Variants in SORBS3 observed in about 807,000 individuals in gnomAD.
The protein encoded by SORBS3 is vinexin.
SORBS3 carries 69 observed loss-of-function variants against 98.0 expected under a neutral mutation model. That is an observed-to-expected ratio of 0.70 (90% confidence interval 0.58 to 0.86). The LOEUF (loss-of-function observed/expected upper bound fraction) is 0.86. Ranked by LOEUF, SORBS3 falls within the 40% of genes least tolerant of loss-of-function variation. The pLI is 0.00. For missense variants in SORBS3, 954 were observed against 908.5 expected, an observed-to-expected ratio of 1.05 and a Z score of -0.64; for synonymous variants, 394 against 355.4, an observed-to-expected ratio of 1.11 and a Z score of -1.22.
intron 1 of SORBS3, among the ~76,000 whole-genome samples, chr8:22,552,316 C>T (rs1302937806): frequency 6.6e-6 from 1 of 151,912 alleles, no homozygotes; most frequent in Non-Finnish European, 1.5e-5. Flanking sequence ...CCTCCCCTCT[C>T]CCGCTCCAGG....
chr8:22,547,879 T>G (rs1466637469), upstream of SORBS3, among the ~76,000 whole-genome samples: 2 of 152,182 alleles, frequency 1.3e-5, no homozygotes, highest in South Asian at 2.1e-4. Flanking sequence ...AAAACTTCCT[T>G]GAGGACAGGC....
upstream of SORBS3, among the ~76,000 whole-genome samples, chr8:22,550,596 C>G (rs1439298678): frequency 6.6e-6 from 1 of 152,162 alleles, no homozygotes; most frequent in Admixed American, 6.5e-5. Context: ...TTTACCAGAA[C>G]GAGGGAGAAG....
In SORBS3 at chr8:22,554,782, G is replaced by A; in HGVS notation, c.103-81G>A. ...AGGCGGGCCTGGGACTGTCACCGAG[G>A]GGTGTGGGCTGTGCCTAGTAGCCAT... On this transcript the variant is annotated intron_variant, in intron 2 of 20. Transcript: ENST00000240123. The surrounding 1 kb of genome is among the most constrained non-coding windows in gnomAD (Gnocchi z 6.5). The A allele has an allele frequency of 6.9e-7, 1 of 1,445,230 alleles. No homozygotes were observed. Among genetic ancestry groups the A allele is most frequent in the African/African-American group, 1.4e-5 (1 of 71,660 alleles). 89.5% of individuals were successfully genotyped at this position (1,445,230 alleles called of 1,614,324 possible).
intron 12 of SORBS3, chr8:22,566,129 C>T (rs1840411982): frequency 4.7e-6 from 3 of 636,766 alleles, no homozygotes; most frequent in East Asian, 6.9e-5. Context: ...GCGGCCCCGC[C>T]ACGGCCCAGG....
intron 17 of SORBS3, among the ~76,000 whole-genome samples, chr8:22,569,970 C>G (rs1004309763): frequency 6.6e-6 from 1 of 152,164 alleles, no homozygotes; most frequent in Non-Finnish European, 1.5e-5. Context: ...GCATGCGTTG[C>G]GAGCAGAAAG....
intron 5 of SORBS3, 183 bp from the exon 6 acceptor site, chr8:22,561,152 A>C (rs1840286932): frequency 1.8e-6 from 1 of 567,568 alleles, no homozygotes; most frequent in Non-Finnish European, 3.0e-6. Context: ...TGCCAGAGGC[A>C]TTTCAAGCCC....
At chr8:22,552,318 C>A (rs1002099787) in intron 1 of SORBS3, among the ~76,000 whole-genome samples, 1 of 152,160 alleles carries the variant, frequency 6.6e-6, no homozygotes, top group Non-Finnish European at 1.5e-5. Context: ...TCCCCTCTCC[C>A]GCTCCAGGGG....
rs763972399 is a variant in SORBS3 at position 22,556,779 on chromosome 8, T to G, written c.285T>G (p.Pro95=). The part of the protein sequence containing the change: ...GSKPSASTKI[P]ASQHTQNWSA... ...AGCCCTCTGCAAGCACAAAGATCCC[T>G]GCCTCCCAGCACACCCAGAACTGGT... The change falls in exon 4 of 21, where the codon CCT becomes CCG. Residue 95 remains proline, a synonymous_variant. Transcript: ENST00000240123. 40 of 1,613,800 alleles carry G rather than the reference T, an allele frequency of 2.5e-5. No homozygotes were observed. Among genetic ancestry groups the G allele is most frequent in the Middle Eastern group, 1.6e-4 (1 of 6,062 alleles).
At chr8:22,551,879 G>A (rs1368585981), upstream of SORBS3, 4 of 985,278 alleles carry the variant, frequency 4.1e-6, no homozygotes, top group East Asian at 3.4e-4. The surrounding 1 kb of genome is among the most constrained non-coding windows in gnomAD (Gnocchi z 5.8). Context: ...GGCCCGGCCC[G>A]TCCTGACCCG....
chr8:22,552,501 T>A (rs1840101355), intron 1 of SORBS3, among the ~76,000 whole-genome samples: 2 of 152,036 alleles, frequency 1.3e-5, no homozygotes, highest in African/African-American at 4.8e-5. Context: ...GGACCACCCT[T>A]CCCTGGAGGT....
intron 1 of SORBS3, among the ~76,000 whole-genome samples, chr8:22,552,319 G>C (rs1023956306): frequency 6.6e-6 from 1 of 151,874 alleles, no homozygotes; most frequent in African/African-American, 2.4e-5. Flanking sequence ...CCCCTCTCCC[G>C]CTCCAGGGGC....
At chr8:22,564,131 A>G in intron 8 of SORBS3, 54 bp downstream of exon 8, 2 of 1,561,826 alleles carry the variant, frequency 1.3e-6, no homozygotes, top group Non-Finnish European at 1.8e-6. Context: ...CGTATGGCCA[A>G]GACCCTATGC....
chr8:22,566,970 T>A, intron 15 of SORBS3, 91 bp from the exon 16 acceptor site: 1 of 1,544,702 alleles, frequency 6.5e-7, no homozygotes, highest in South Asian at 1.1e-5. Flanking sequence ...CCCCAAGGGG[T>A]GAGAGAACTG....
chr8:22,564,594 C>T, intron 10 of SORBS3, 73 bp downstream of exon 10: 3 of 1,580,922 alleles, frequency 1.9e-6, no homozygotes, highest in Non-Finnish European at 2.6e-6. Context: ...GCCCCAGTAA[C>T]CATGGGCATA....
At chr8:22,565,483 G>C in intron 11 of SORBS3, 129 bp downstream of exon 11, 4 of 732,330 alleles carry the variant, frequency 5.5e-6, no homozygotes, top group Non-Finnish European at 7.9e-6. Context: ...GCGCGCACCG[G>C]CCTCGGGCCC....
rs1369263913 is a variant in SORBS3, at chr8:22,575,059, C to T, written c.*331C>T. On this transcript the variant is annotated 3_prime_UTR_variant, in exon 21 of 21. Transcript: ENST00000240123. Reference sequence around the variant, plus strand: ...CACCCCCATCCTGCTCCAGCGTTTCCTCTAACAGGGACCAGCTCTCCGCTT... The same window carrying T: ...CACCCCCATCCTGCTCCAGCGTTTCTTCTAACAGGGACCAGCTCTCCGCTT... 2 of 495,176 alleles carry T rather than the reference C, an allele frequency of 4.0e-6. No individual in the cohort carries two copies. Among genetic ancestry groups the T allele is most frequent in the African/African-American group, 3.9e-5 (2 of 51,420 alleles). 30.7% of individuals were successfully genotyped at this position (495,176 alleles called of 1,614,324 possible). A position where few individuals can be genotyped will look rare whatever the true frequency, so the allele number is the denominator to read the frequency against.
Position 22,556,696 on chromosome 8 carries a change from T to C in SORBS3, c.221-19T>C. 6.2e-7 allele frequency: 1 copy of C among 1,612,882 alleles called. No individual in the cohort carries two copies. The highest frequency in any genetic ancestry group is 1.1e-5 in the South Asian group (1 of 91,034). ...AGACCCCTGCCTTTCACTAATGCTC[T>C]CCTGCACGCACCCAACAGACCCTGC... is the stretch of plus-strand genomic sequence containing the variant. On this transcript the variant is annotated intron_variant, in intron 3 of 20. Transcript: ENST00000240123.
chr8:22,564,514 C>T lies in SORBS3; in HGVS notation c.809C>T (p.Pro270Leu). The T allele has an allele frequency of 6.2e-7, 1 of 1,614,014 alleles. No homozygotes were observed. The highest frequency in any genetic ancestry group is 8.5e-7 in the Non-Finnish European group (1 of 1,180,012). Residue 270 changes from proline to leucine, a missense_variant, in exon 10 of 21, where the codon CCC becomes CTC. Pro to Leu is a moderately conservative substitution (Grantham distance 98). Transcript: ENST00000240123. ...GACCCTGGTGAGAAGCCCTCCCAGC[C>T]CATTGAGGTGAGTGCTGCAGGGTGC... The part of the protein sequence containing the change: ...VDDPGEKPSQ[P>L]IEVLLERELA...
upstream of SORBS3, chr8:22,551,701 C>CGG (rs1032204006): frequency 4.6e-5 from 45 of 981,758 alleles, no homozygotes; most frequent in Non-Finnish European, 5.2e-5. The surrounding 1 kb of genome is among the most constrained non-coding windows in gnomAD (Gnocchi z 5.8). Context: ...TCCCCGCGCG[C>CGG]GCCCCGACGG....
Sources: allele counts gnomAD v4.1 joint callset (sites outside exome capture counted in the v4.1 genomes callset), GRCh38; gene constraint gnomAD v4.1.1; non-coding constraint Gnocchi (gnomAD v3.1); transcripts MANE v1.5; gene names NCBI Gene and HGNC (gene_info 2026-07-23, HGNC 2026-07-21).